Variants in ST6GALNAC3 observed in about 807,000 individuals in gnomAD.
ST6GALNAC3 encodes alpha-N-acetylgalactosaminide alpha-2,6-sialyltransferase 3.
A neutral mutation model predicts 32.7 loss-of-function variants in ST6GALNAC3; 25 were observed. The ratio of observed to expected loss-of-function variants is 0.76; its 90% CI spans 0.56 to 1.07. The LOEUF is 1.07. Ranked by LOEUF, ST6GALNAC3 falls within the 50% of genes least tolerant of loss-of-function variation. The pLI is 0.00. For missense variants in ST6GALNAC3, 355 were observed against 382.4 expected (o/e 0.93, Z 0.60); for synonymous variants, 129 against 133.1 (o/e 0.97, Z 0.21).
chr1:76,119,532 G>A lies in ST6GALNAC3; in HGVS notation c.18+44648G>A, dbSNP rs1225381698. Among the ~76,000 whole-genome samples the A allele has an allele frequency of 2.0e-5, 3 of 152,180 alleles. No individual in the cohort carries two copies. In the East Asian group the frequency reaches 5.8e-4, roughly 29 times the overall value. ...GGAGTTGAGTTATGTGAGGGATGGTGTATTTGGCCTGCATGGGAGATGAAG... is the reference window on the plus strand; with the variant it reads ...GGAGTTGAGTTATGTGAGGGATGGTATATTTGGCCTGCATGGGAGATGAAG... On this transcript the variant is annotated intron_variant, in intron 1 of 4. Coordinates refer to ENST00000328299, the MANE Select transcript of ST6GALNAC3 (RefSeq NM_152996.4).
At chr1:76,205,042 C>G (rs481884) in intron 1 of ST6GALNAC3, among the ~76,000 whole-genome samples, 1 of 152,150 alleles carries the variant, frequency 6.6e-6, no homozygotes, top group Non-Finnish European at 1.5e-5. Context: ...TCATTTGCTT[C>G]CTGAACTGTG....
At chr1:76,113,847 A>G (rs1348933037) in intron 1 of ST6GALNAC3, among the ~76,000 whole-genome samples, 1 of 149,952 alleles carries the variant, frequency 6.7e-6, no homozygotes, top group African/African-American at 2.5e-5. Flanking sequence ...TTTTTTTGAG[A>G]TGGAGTTTCG....
chr1:76,378,703 T>C (rs1651455035), intron 2 of ST6GALNAC3, among the ~76,000 whole-genome samples: 3 of 151,984 alleles, frequency 2.0e-5, no homozygotes, highest in African/African-American at 7.2e-5. Context: ...TTTTTTAGTG[T>C]TTTTGTACAA....
chr1:76,479,005 T>C lies in ST6GALNAC3; in HGVS notation c.623+66588T>C, dbSNP rs181376875. 3.1e-3 allele frequency among the ~76,000 whole-genome samples: 478 copies of C among 152,138 alleles called. 2 individuals are homozygous for C. Among genetic ancestry groups the C allele is most frequent in the African/African-American group, 0.01 (421 of 41,514 alleles). On this transcript the variant is annotated intron_variant, in intron 3 of 4. Coordinates refer to ENST00000328299, the MANE Select transcript of ST6GALNAC3 (RefSeq NM_152996.4). ...GTCTCGATCTCCTGACCTTGTGATCTGCCCACCTTGGCCTCCCAAAGTGCT... is the reference window on the plus strand; with the variant it reads ...GTCTCGATCTCCTGACCTTGTGATCCGCCCACCTTGGCCTCCCAAAGTGCT...
intron 3 of ST6GALNAC3, among the ~76,000 whole-genome samples, chr1:76,559,772 A>G (rs1665139729): frequency 6.6e-6 from 1 of 152,164 alleles, no homozygotes; most frequent in Non-Finnish European, 1.5e-5. Flanking sequence ...AGAGGCAGGA[A>G]AAACAGCCTT....
chr1:76,081,656 A>G (rs958760354), intron 1 of ST6GALNAC3, among the ~76,000 whole-genome samples: 2 of 152,294 alleles, frequency 1.3e-5, no homozygotes, highest in East Asian at 1.9e-4. Context: ...TTTAATTCTG[A>G]ATAGATCTTT....
At chr1:76,502,852 T>C (rs1007568632) in intron 3 of ST6GALNAC3, among the ~76,000 whole-genome samples, 2 of 152,312 alleles carry the variant, frequency 1.3e-5, no homozygotes, top group Admixed American at 6.5e-5. Context: ...ACTTGTGTTC[T>C]TTCCACCATA....
intron 2 of ST6GALNAC3, among the ~76,000 whole-genome samples, chr1:76,364,036 T>A (rs1570972529): frequency 6.6e-6 from 1 of 152,194 alleles, no homozygotes; most frequent in South Asian, 2.1e-4. Context: ...CTTAGCTTCT[T>A]ATTGTAGATT....
intron 1 of ST6GALNAC3, 143 bp from the exon 2 acceptor site, chr1:76,313,662 T>C (rs1199901622): frequency 1.1e-6 from 1 of 947,834 alleles, no homozygotes; most frequent in Admixed American, 1.8e-5. Flanking sequence ...ATAATTATTT[T>C]CCATTTCCAG....
chr1:76,143,397 G>GTGTGTA (rs1251963437), intron 1 of ST6GALNAC3, among the ~76,000 whole-genome samples: 1 of 148,148 alleles, frequency 6.8e-6, no homozygotes, highest in Non-Finnish European at 1.5e-5. Flanking sequence ...CAAGTCGTGT[G>GTGTGTA]TGTGTGTGTG....
At position 76,371,665 on chromosome 1, in the gene ST6GALNAC3, T is replaced by G. The variant is rs140494895; in HGVS notation, c.214-40343T>G. ...TCTCTCGTATCTGAACCTCTCTGTCTCCCCTATATTATAACTTTTGAATGA... is the reference window on the plus strand; with the variant it reads ...TCTCTCGTATCTGAACCTCTCTGTCGCCCCTATATTATAACTTTTGAATGA... On this transcript the variant is annotated intron_variant, in intron 2 of 4. Coordinates refer to ENST00000328299, the MANE Select transcript of ST6GALNAC3 (RefSeq NM_152996.4). Among the ~76,000 whole-genome samples the G allele has an allele frequency of 5.0e-4, 76 of 152,300 alleles. 1 individual carries two copies. In the East Asian group the frequency reaches 0.011, roughly 22 times the overall value.
At chr1:76,477,914 G>C (rs1309129524) in intron 3 of ST6GALNAC3, among the ~76,000 whole-genome samples, 3 of 152,150 alleles carry the variant, frequency 2.0e-5, no homozygotes, top group Non-Finnish European at 2.9e-5. Flanking sequence ...CATGGGCTCT[G>C]TTCTCGATCA....
chr1:76,534,566 C>G (rs1663478308), intron 3 of ST6GALNAC3, among the ~76,000 whole-genome samples: 1 of 152,162 alleles, frequency 6.6e-6, no homozygotes, highest in Non-Finnish European at 1.5e-5. Context: ...TCCCTTGTCT[C>G]TCATGTAATT....
At chr1:76,278,898 G>A (rs528132302) in intron 1 of ST6GALNAC3, among the ~76,000 whole-genome samples, 73 of 152,248 alleles carry the variant, frequency 4.8e-4, no homozygotes, top group South Asian at 1.2e-3. Context: ...TCTGTTCATC[G>A]CGTAGTACTT....
chr1:76,634,211 G>T lies in ST6GALNAC3; in HGVS notation c.*5405G>T. The T allele has an allele frequency of 2.1e-6, 2 of 965,236 alleles. No homozygotes were observed. The highest frequency in any genetic ancestry group is 1.2e-6 in the Non-Finnish European group (1 of 811,670). The allele number at this position is 965,236 out of a possible 1,614,324, so 59.8% of individuals were successfully genotyped here. A position where few individuals can be genotyped will look rare whatever the true frequency, so the allele number is the denominator to read the frequency against. ...CCATAAAGGTGAAGAACATCTTGAT[G>T]AATAAACAGTCAACTACCAAGTTCA... On this transcript the variant is annotated 3_prime_UTR_variant, in exon 5 of 5. Transcript: ENST00000328299.
chr1:76,521,454 A>G (rs1662532839), intron 3 of ST6GALNAC3, among the ~76,000 whole-genome samples: 1 of 152,122 alleles, frequency 6.6e-6, no homozygotes, highest in South Asian at 2.1e-4. Flanking sequence ...TTCTGGGCTC[A>G]AGCAAACCCC....
intron 1 of ST6GALNAC3, among the ~76,000 whole-genome samples, chr1:76,113,111 G>A (rs1412583605): frequency 2.0e-5 from 3 of 152,090 alleles, no homozygotes; most frequent in African/African-American, 2.4e-5. Flanking sequence ...CGAGGCTGGC[G>A]GATCACTCGC....
chr1:76,309,879 G>A (rs1257894387), intron 1 of ST6GALNAC3: 1 of 448,078 alleles, frequency 2.2e-6, no homozygotes, highest in African/African-American at 2.0e-5. Flanking sequence ...GAACATGAGA[G>A]GCAGACATGG....
rs1649807041 is a variant in ST6GALNAC3 at position 76,360,085 on chromosome 1, T to C, written c.213+46086T>C. Among the ~76,000 whole-genome samples, 5 of 152,198 alleles carry C rather than the reference T, an allele frequency of 3.3e-5. No homozygotes were observed. The South Asian group carries it at 1.0e-3, about 31-fold the overall frequency. ...TACCATATAGATTACAAAGGAGAAT[T>C]AATGTATTATTTATCTGAATAACTG... is the stretch of plus-strand genomic sequence containing the variant. On this transcript the variant is annotated intron_variant, in intron 2 of 4. Coordinates refer to ENST00000328299, the MANE Select transcript of ST6GALNAC3 (RefSeq NM_152996.4).
Sources: allele counts gnomAD v4.1 joint callset (sites outside exome capture counted in the v4.1 genomes callset), GRCh38; gene constraint gnomAD v4.1.1; transcripts MANE v1.5; gene names NCBI Gene and HGNC (gene_info 2026-07-23, HGNC 2026-07-21).